Variants in PPP2R2C observed in about 807,000 individuals in gnomAD.
PPP2R2C encodes the protein protein phosphatase 2 regulatory subunit Bgamma.
Under a neutral mutation model 45.3 loss-of-function variants are expected in PPP2R2C, and 10 were observed. That is an observed-to-expected ratio of 0.22 (90% CI 0.14 to 0.37). PPP2R2C has a LOEUF of 0.37. Ranked by LOEUF, PPP2R2C falls within the 10% of genes least tolerant of loss-of-function variation. PPP2R2C has a pLI of 1.00. For missense variants in PPP2R2C, 308 were observed against 619.7 expected, an observed-to-expected ratio of 0.50 and a Z score of 5.34; for synonymous variants, 257 against 245.4, an observed-to-expected ratio of 1.05 and a Z score of -0.44.
intron 2 of PPP2R2C, among the ~76,000 whole-genome samples, chr4:6,487,287 GT>G (rs895759612): frequency 5.7e-4 from 86 of 151,726 alleles, no homozygotes; most frequent in African/African-American, 1.8e-3. Context: ...TCCGACCTAT[GT>G]AGTTACTACT....
chr4:6,434,652 C>A (rs541066726), intron 1 of PPP2R2C, among the ~76,000 whole-genome samples: 1 of 152,304 alleles, frequency 6.6e-6, no homozygotes, highest in Admixed American at 6.5e-5. Flanking sequence ...AGCCACCACA[C>A]CTGGCCTCTT....
rs1391953733 is a variant in PPP2R2C at position 6,329,033 on chromosome 4, G to A, written c.1052+229C>T. 1.3e-5 allele frequency among the ~76,000 whole-genome samples: 2 copies of A among 152,228 alleles called. No homozygotes were observed. The highest frequency in any genetic ancestry group is 2.4e-5 in the African/African-American group (1 of 41,464). Reference sequence around the variant, plus strand: ...TACTGCCCATAGGGCAGGCGCCAACGTGGCTGTGAGGTTCAGTGACAGAAG... The same window carrying A: ...TACTGCCCATAGGGCAGGCGCCAACATGGCTGTGAGGTTCAGTGACAGAAG... On this transcript the variant is annotated intron_variant, in intron 8 of 8. Coordinates refer to ENST00000382599, the MANE Select transcript of PPP2R2C (RefSeq NM_020416.4). This position sits in a 1 kb window ranked among gnomAD's most constrained non-coding sequence, Gnocchi z 5.8.
At chr4:6,414,332 G>C (rs980987234) in intron 1 of PPP2R2C, among the ~76,000 whole-genome samples, 2 of 152,054 alleles carry the variant, frequency 1.3e-5, no homozygotes, top group African/African-American at 4.8e-5. Flanking sequence ...AGCTAGGCTC[G>C]CAAACTCTCT....
intron 1 of PPP2R2C, among the ~76,000 whole-genome samples, chr4:6,455,845 C>G (rs1048564895): frequency 1.4e-4 from 22 of 152,280 alleles, no homozygotes; most frequent in African/African-American, 4.1e-4. Flanking sequence ...CCCCTGCTGC[C>G]TACTGCTGTG....
chr4:6,377,941 C>G (rs563867006), intron 3 of PPP2R2C, among the ~76,000 whole-genome samples: 6 of 152,288 alleles, frequency 3.9e-5, no homozygotes, highest in Admixed American at 3.3e-4. Flanking sequence ...CCCACTGCCC[C>G]GCAAGGCCGC....
At position 6,350,393 on chromosome 4, in the gene PPP2R2C, G is replaced by A. The variant is rs117092292; in HGVS notation, c.626-2383C>T. 26 of 985,402 alleles carry A rather than the reference G, an allele frequency of 2.6e-5. No individual in the cohort carries two copies. The East Asian group carries it at 1.6e-3, about 60-fold the overall frequency. The allele number at this position is 985,402 out of a possible 1,614,324, so 61.0% of individuals were successfully genotyped here. ...GAAATGTCACGCACATTAGTGCGAC[G>A]GCCCATGGATAATGTGCAGTAGAGA... On this transcript the variant is annotated intron_variant, in intron 5 of 8. Transcript: ENST00000382599.
chr4:6,344,788 A>T (rs944289701), intron 6 of PPP2R2C, among the ~76,000 whole-genome samples: 1 of 152,144 alleles, frequency 6.6e-6, no homozygotes, highest in Non-Finnish European at 1.5e-5. Flanking sequence ...TTATCCCCTA[A>T]ATCTTTCAAC....
At chr4:6,339,776 C>T (rs940567342) in intron 6 of PPP2R2C, among the ~76,000 whole-genome samples, 1 of 152,098 alleles carries the variant, frequency 6.6e-6, no homozygotes, top group African/African-American at 2.4e-5. Context: ...GGGCAGTGAT[C>T]GCCCCTGGCT....
chr4:6,349,482 T>C, intron 5 of PPP2R2C: 1 of 985,410 alleles, frequency 1.0e-6, no homozygotes, highest in Non-Finnish European at 1.2e-6. Flanking sequence ...CCATTTTTAT[T>C]ATTTTCTATC....
chr4:6,482,900 G>A (rs1387198153), intron 2 of PPP2R2C, among the ~76,000 whole-genome samples: 4 of 152,182 alleles, frequency 2.6e-5, no homozygotes, highest in Non-Finnish European at 5.9e-5. Flanking sequence ...CTGGTTTTCT[G>A]AGAGCGTTTC....
At chr4:6,493,644 G>T (rs1397872787) in intron 2 of PPP2R2C, among the ~76,000 whole-genome samples, 1 of 151,718 alleles carries the variant, frequency 6.6e-6, no homozygotes, top group Non-Finnish European at 1.5e-5. Flanking sequence ...TCCTGAAGGA[G>T]AAGCCCGTGT....
At chr4:6,392,404 T>C (rs941193844) in intron 1 of PPP2R2C, among the ~76,000 whole-genome samples, 1 of 131,858 alleles carries the variant, frequency 7.6e-6, no homozygotes, top group Non-Finnish European at 1.6e-5. Flanking sequence ...ATATAAGGGC[T>C]AAGATGAAAA....
intron 1 of PPP2R2C, among the ~76,000 whole-genome samples, chr4:6,425,343 G>A (rs4345249): frequency 0.45 from 69,069 of 152,134 alleles, 17,744 homozygotes; most frequent in Non-Finnish European, 0.61. Flanking sequence ...CTCACCTGCT[G>A]TGTGTCCTGG....
intron 5 of PPP2R2C, among the ~76,000 whole-genome samples, chr4:6,359,105 T>C (rs936400305): frequency 6.6e-6 from 1 of 152,180 alleles, no homozygotes; most frequent in African/African-American, 2.4e-5. Flanking sequence ...CAAATGTCCA[T>C]CAATGATAGA....
At chr4:6,505,506 A>G (rs756739405) in intron 2 of PPP2R2C, among the ~76,000 whole-genome samples, 10 of 152,252 alleles carry the variant, frequency 6.6e-5, no homozygotes, top group Non-Finnish European at 1.5e-4. Context: ...GAGGAAGTAC[A>G]GGTACCTATT....
intron 1 of PPP2R2C, among the ~76,000 whole-genome samples, chr4:6,448,087 C>T (rs971363173): frequency 2.6e-5 from 4 of 152,110 alleles, no homozygotes; most frequent in South Asian, 2.1e-4. Flanking sequence ...GAGAAAACCC[C>T]GCACAGAGGA....
intron 1 of PPP2R2C, among the ~76,000 whole-genome samples, chr4:6,403,609 A>C (rs1717592474): frequency 1.3e-5 from 2 of 152,094 alleles, no homozygotes; most frequent in Admixed American, 6.6e-5. Flanking sequence ...TGGAGGATTA[A>C]AAATACAACC....
In PPP2R2C at chr4:6,380,991, T is replaced by G. The variant is rs1213914890; in HGVS notation, c.168+6A>C. 6.6e-7 allele frequency: 1 copy of G among 1,522,970 alleles called. No homozygotes were observed. The allele number at this position is 1,522,970 out of a possible 1,614,324, so 94.3% of individuals were successfully genotyped here. On this transcript the variant is annotated splice_donor_region_variant and intron_variant, in intron 2 of 8. Coordinates refer to ENST00000382599, the MANE Select transcript of PPP2R2C (RefSeq NM_020416.4). ...CCCACCTCCCACCAGACCCAGGGCTTCGCACCTCTGGTTCCCGCTGGAAGA... is the reference window on the plus strand; with the variant it reads ...CCCACCTCCCACCAGACCCAGGGCTGCGCACCTCTGGTTCCCGCTGGAAGA...
chr4:6,508,338 G>A (rs1458075287), intron 2 of PPP2R2C, among the ~76,000 whole-genome samples: 1 of 152,194 alleles, frequency 6.6e-6, no homozygotes, highest in African/African-American at 2.4e-5. Flanking sequence ...TGTAATCCCA[G>A]CACTTTGGGA....
Sources: allele counts gnomAD v4.1 joint callset (sites outside exome capture counted in the v4.1 genomes callset), GRCh38; gene constraint gnomAD v4.1.1; non-coding constraint Gnocchi (gnomAD v3.1); transcripts MANE v1.5; gene names NCBI Gene and HGNC (gene_info 2026-07-23, HGNC 2026-07-21).